MTREX: variants seen among roughly 807,000 people sequenced by gnomAD.
MTREX encodes Mtr4 exosome RNA helicase.
Under a neutral mutation model 135.4 loss-of-function variants are expected in MTREX, and 76 were observed. That is an observed-to-expected ratio of 0.56 (90% CI 0.47 to 0.68). The LOEUF is 0.68. Ranked by LOEUF, MTREX falls within the 30% of genes least tolerant of loss-of-function variation. The pLI is 0.00. For missense variants in MTREX, 920 were observed against 1,262.1 expected (o/e 0.73, Z 4.11); for synonymous variants, 404 against 401.6 (o/e 1.01, Z -0.07).
intron 5 of MTREX, among the ~76,000 whole-genome samples, chr5:55,329,755 CTG>C (rs1200765700): frequency 6.6e-6 from 1 of 152,142 alleles, no homozygotes; most frequent in Non-Finnish European, 1.5e-5. Context: ...CTTTGATACT[CTG>C]TACATAATGT....
At chr5:55,406,907 T>C (rs1469656708) in intron 22 of MTREX, among the ~76,000 whole-genome samples, 1 of 152,184 alleles carries the variant, frequency 6.6e-6, no homozygotes, top group Non-Finnish European at 1.5e-5. Flanking sequence ...GTGTTCGTTA[T>C]TTCCCACCAC....
In MTREX at chr5:55,424,805, T is replaced by C; in HGVS notation, c.*33T>C. On this transcript the variant is annotated 3_prime_UTR_variant, in exon 27 of 27. Transcript: ENST00000230640. ...TAAAGGAATGTGAGATTTTAAATTA[T>C]TGACCACCTGTTTGATTACAGTTGA... The C allele has an allele frequency of 6.6e-7, 1 of 1,519,318 alleles. No individual in the cohort carries two copies. The highest frequency in any genetic ancestry group is 9.1e-7 in the Non-Finnish European group (1 of 1,094,148). The allele number at this position is 1,519,318 out of a possible 1,614,324, so 94.1% of individuals were successfully genotyped here.
chr5:55,381,004 A>G (rs1750388135), intron 18 of MTREX, among the ~76,000 whole-genome samples: 1 of 152,200 alleles, frequency 6.6e-6, no homozygotes, highest in African/African-American at 2.4e-5. Context: ...AGAGATTACT[A>G]AGTCAATTTC....
chr5:55,326,712 T>C (rs925308096), intron 3 of MTREX, among the ~76,000 whole-genome samples: 1 of 152,218 alleles, frequency 6.6e-6, no homozygotes, highest in Non-Finnish European at 1.5e-5. Context: ...TTTTTAATTA[T>C]TATACTTTAA....
At chr5:55,356,581 C>A in intron 14 of MTREX, 2 of 192,136 alleles carry the variant, frequency 1.0e-5, no homozygotes, top group South Asian at 2.2e-4. Context: ...AGCAGGCAGT[C>A]AGTGAAATCC....
intron 16 of MTREX, among the ~76,000 whole-genome samples, chr5:55,370,764 A>C (rs921065258): frequency 6.6e-6 from 1 of 152,178 alleles, no homozygotes; most frequent in African/African-American, 2.4e-5. Context: ...AATGGAGTTC[A>C]TTCCTATTTT....
intron 6 of MTREX, among the ~76,000 whole-genome samples, chr5:55,340,657 C>T (rs1749633675): frequency 6.6e-6 from 1 of 152,196 alleles, no homozygotes; most frequent in African/African-American, 2.4e-5. Context: ...CCTCTGCTCA[C>T]TGCAAGCTCC....
chr5:55,365,828 A>G (rs1487991194), intron 15 of MTREX, among the ~76,000 whole-genome samples: 1 of 152,052 alleles, frequency 6.6e-6, no homozygotes, highest in African/African-American at 2.4e-5. Context: ...CGTCTCTACT[A>G]AAAATACAAA....
chr5:55,400,381 A>G lies in MTREX; in HGVS notation c.2441A>G (p.Asn814Ser), dbSNP rs1421066113. The change falls in exon 21 of 27, where the codon AAT becomes AGT. Residue 814 changes from asparagine (N) to serine (S), a missense_variant. Transcript: ENST00000230640. ...MYSHPLHNDP[N>S]LETVYTLCEK... ...TCTCATCCACTTCACAATGATCCAA[A>G]TTTGGAAACTGTGTATACGCTTTGT... The G allele has an allele frequency of 1.9e-6, 3 of 1,611,318 alleles. No individual in the cohort carries two copies. The highest frequency in any genetic ancestry group is 1.3e-5 in the African/African-American group (1 of 74,750).
At chr5:55,339,689 C>T (rs1749612305) in intron 5 of MTREX, among the ~76,000 whole-genome samples, 1 of 152,142 alleles carries the variant, frequency 6.6e-6, no homozygotes. Flanking sequence ...TGTGAACTCA[C>T]AGACAGAGGC....
At chr5:55,384,043 T>C (rs1750440300) in intron 18 of MTREX, among the ~76,000 whole-genome samples, 1 of 152,228 alleles carries the variant, frequency 6.6e-6, no homozygotes, top group South Asian at 2.1e-4. Context: ...AGTCCTGGGA[T>C]TACATTTGTG....
rs1561185746 is a variant in MTREX, at chr5:55,322,416, T to C, written c.224T>C (p.Ile75Thr). 3 of 1,609,098 alleles carry C rather than the reference T, an allele frequency of 1.9e-6. No homozygotes were observed. The highest frequency in any genetic ancestry group is 2.5e-6 in the Non-Finnish European group (3 of 1,177,698). Residue 75 changes from isoleucine (I) to threonine (T), a missense_variant, in exon 2 of 27, where the codon ATT (isoleucine) becomes ACT (threonine). Coordinates refer to ENST00000230640, the MANE Select transcript of MTREX (RefSeq NM_015360.5). Reference sequence around the variant, plus strand: ...GATTTCGAAGGTACAGATGAACCCATTTTTGGAAAGAAGCCCAGGATAGAA... The same window carrying C: ...GATTTCGAAGGTACAGATGAACCCACTTTTGGAAAGAAGCCCAGGATAGAA... The part of the protein sequence containing the change: ...DVDFEGTDEP[I>T]FGKKPRIEES...
chr5:55,422,470 A>G (rs966103846), intron 25 of MTREX, among the ~76,000 whole-genome samples: 1 of 152,144 alleles, frequency 6.6e-6, no homozygotes, highest in Non-Finnish European at 1.5e-5. Flanking sequence ...GGCCACACTC[A>G]GGGTCCTTGA....
chr5:55,366,463 A>G (rs1750106700), intron 15 of MTREX, among the ~76,000 whole-genome samples: 1 of 152,186 alleles, frequency 6.6e-6, no homozygotes. Context: ...GACCACAAAG[A>G]GCAATCCTGT....
At chr5:55,369,039 A>T (rs567366028) in intron 16 of MTREX, among the ~76,000 whole-genome samples, 1 of 152,114 alleles carries the variant, frequency 6.6e-6, no homozygotes, top group East Asian at 1.9e-4. Context: ...GAAAAGTATG[A>T]TTCTAGTCTC....
At chr5:55,385,960 GTT>G (rs1750472267) in intron 18 of MTREX, among the ~76,000 whole-genome samples, 1 of 151,974 alleles carries the variant, frequency 6.6e-6, no homozygotes, top group African/African-American at 2.4e-5. Context: ...ATTTTTTTCT[GTT>G]TCTATTGATG....
Position 55,343,754 on chromosome 5 carries a change from A to T in MTREX, c.906+299A>T, listed in dbSNP as rs72751780. Among the ~76,000 whole-genome samples the T allele has an allele frequency of 9.1e-3, 1,378 of 152,256 alleles. 13 individuals carry two copies. Among genetic ancestry groups the T allele is most frequent in the Non-Finnish European group, 0.016 (1,059 of 67,994 alleles). On this transcript the variant is annotated intron_variant, in intron 8 of 26. Coordinates refer to ENST00000230640, the MANE Select transcript of MTREX (RefSeq NM_015360.5). ...TGATGATCTGCCAGGTTTAGAAACT[A>T]CTGCATTTACTCAAATAGTTATCCA...
At chr5:55,334,611 T>C (rs1450560843) in intron 5 of MTREX, among the ~76,000 whole-genome samples, 2 of 152,138 alleles carry the variant, frequency 1.3e-5, no homozygotes, top group Non-Finnish European at 2.9e-5. Flanking sequence ...TTACTTACCA[T>C]TAAATTTATC....
chr5:55,421,938 T>C (rs1444381225), intron 25 of MTREX, among the ~76,000 whole-genome samples: 1 of 152,188 alleles, frequency 6.6e-6, no homozygotes, highest in Non-Finnish European at 1.5e-5. Flanking sequence ...CACCCAGAAG[T>C]TTCTGCAGTT....
Sources: allele counts gnomAD v4.1 joint callset (sites outside exome capture counted in the v4.1 genomes callset), GRCh38; gene constraint gnomAD v4.1.1; transcripts MANE v1.5; gene names NCBI Gene and HGNC (gene_info 2026-07-23, HGNC 2026-07-21).